The following DAB1 variants were observed in gnomAD, a reference collection of about 807,000 sequenced individuals.
DAB1 encodes disabled homolog 1.
DAB1 carries 15 observed loss-of-function variants against 64.6 expected under a neutral mutation model. That is an observed-to-expected ratio of 0.23 (90% confidence interval 0.16 to 0.36). The LOEUF is 0.36. DAB1 is among the 10% of genes least tolerant of loss of function. The pLI is 1.00. For synonymous variants in DAB1, 235 were observed against 251.9 expected, an observed-to-expected ratio of 0.93 and a Z score of 0.64; for missense variants, 596 against 706.7, an observed-to-expected ratio of 0.84 and a Z score of 1.78.
intron 6 of DAB1, among the ~76,000 whole-genome samples, chr1:57,695,226 TAAGAAAGAAAGGAAGA>T (rs1646809404): frequency 2.8e-5 from 4 of 141,776 alleles, no homozygotes; most frequent in Admixed American, 7.4e-5. Flanking sequence ...CCTGTTTCTC[TAAGAAAGAAAGGAAGA>T]AAGAAAGAAA....
intron 5 of DAB1, among the ~76,000 whole-genome samples, chr1:57,907,385 C>G (rs889610663): frequency 6.6e-6 from 1 of 152,160 alleles, no homozygotes; most frequent in Admixed American, 6.5e-5. Flanking sequence ...AACATTAGGT[C>G]TCCTGACCTG....
At chr1:58,123,612 T>C (rs1652878733) in intron 5 of DAB1, among the ~76,000 whole-genome samples, 1 of 152,138 alleles carries the variant, frequency 6.6e-6, no homozygotes, top group Non-Finnish European at 1.5e-5. Context: ...CTTTGTTCTG[T>C]GAAATCACAC....
chr1:57,209,395 T>A (rs1026904457), intron 2 of DAB1, among the ~76,000 whole-genome samples: 2 of 152,192 alleles, frequency 1.3e-5, no homozygotes, highest in Non-Finnish European at 2.9e-5. Flanking sequence ...TTGGGGGAAG[T>A]CTGTTCTTCA....
intron 2 of DAB1, among the ~76,000 whole-genome samples, chr1:58,512,654 A>G (rs1191888702): frequency 3.9e-5 from 6 of 152,238 alleles, no homozygotes; most frequent in African/African-American, 9.6e-5. Context: ...ACAAATGGAC[A>G]AATACGAGAC....
chr1:58,410,990 GA>G (rs1219834143), intron 3 of DAB1, among the ~76,000 whole-genome samples: 2 of 152,162 alleles, frequency 1.3e-5, no homozygotes, highest in Non-Finnish European at 2.9e-5. Context: ...TGCTTAAAGG[GA>G]AAAATTACAG....
chr1:57,101,700 C>T (rs1654696633), intron 4 of DAB1, among the ~76,000 whole-genome samples: 1 of 152,214 alleles, frequency 6.6e-6, no homozygotes, highest in South Asian at 2.1e-4. Flanking sequence ...GTCTTCTACT[C>T]TACACCAGGC....
At chr1:57,833,293 G>A (rs1231837039) in intron 1 of DAB1, among the ~76,000 whole-genome samples, 3 of 152,078 alleles carry the variant, frequency 2.0e-5, no homozygotes, top group African/African-American at 4.8e-5. Context: ...TATAGATTTG[G>A]AAATAGGTTC....
chr1:58,310,559 T>C (rs1569630422), intron 4 of DAB1, among the ~76,000 whole-genome samples: 1 of 152,198 alleles, frequency 6.6e-6, no homozygotes, highest in South Asian at 2.1e-4. Flanking sequence ...TTACAACAAA[T>C]TGTATGCAAT....
chr1:57,896,681 GT>G (rs1644396832), intron 5 of DAB1, among the ~76,000 whole-genome samples: 1 of 152,110 alleles, frequency 6.6e-6, no homozygotes, highest in South Asian at 2.1e-4. Context: ...TCTTTATGAC[GT>G]GAGCATTAAC....
chr1:57,270,177 C>G (rs1181757755), intron 2 of DAB1, among the ~76,000 whole-genome samples: 1 of 152,206 alleles, frequency 6.6e-6, no homozygotes. Flanking sequence ...TGGTTACTGT[C>G]TGAGCCTTCC....
At chr1:57,418,936 CCAAT>C (rs1467310815) in intron 1 of DAB1, among the ~76,000 whole-genome samples, 1 of 152,214 alleles carries the variant, frequency 6.6e-6, no homozygotes, top group East Asian at 1.9e-4. Flanking sequence ...CATTTGCTCT[CCAAT>C]CAGAGGGAAA....
chr1:58,503,371 T>A (rs1231318839), intron 3 of DAB1, among the ~76,000 whole-genome samples: 1 of 152,214 alleles, frequency 6.6e-6, no homozygotes, highest in African/African-American at 2.4e-5. Flanking sequence ...ATGCCTATAC[T>A]ACCCTTTTAA....
intron 1 of DAB1, among the ~76,000 whole-genome samples, chr1:57,311,646 G>A (rs1265288643): frequency 1.3e-5 from 2 of 152,126 alleles, no homozygotes; most frequent in African/African-American, 4.8e-5. Context: ...TGAAGATTCG[G>A]TTTAACTCAT....
chr1:57,140,730 T>C (rs1045636862), intron 3 of DAB1, among the ~76,000 whole-genome samples: 1 of 152,160 alleles, frequency 6.6e-6, no homozygotes, highest in African/African-American at 2.4e-5. Flanking sequence ...ACAGTTATAC[T>C]TTTGAGACCT....
At chr1:58,293,420 A>G (rs1340246135) in intron 4 of DAB1, among the ~76,000 whole-genome samples, 1 of 152,216 alleles carries the variant, frequency 6.6e-6, no homozygotes, top group East Asian at 1.9e-4. Flanking sequence ...AAAATATCAA[A>G]ATAAAAAATA....
At chr1:57,637,664 T>C (rs548789998) in intron 7 of DAB1, among the ~76,000 whole-genome samples, 2 of 152,234 alleles carry the variant, frequency 1.3e-5, no homozygotes, top group East Asian at 1.9e-4. Flanking sequence ...GATTCTGTAT[T>C]AGGGAGCATG....
At chr1:57,925,414 T>C (rs1644865095) in intron 5 of DAB1, among the ~76,000 whole-genome samples, 1 of 152,204 alleles carries the variant, frequency 6.6e-6, no homozygotes, top group South Asian at 2.1e-4. Flanking sequence ...GCACGCTTCA[T>C]ACAGAATTTA....
At chr1:57,577,024 CT>C (rs1195752933) in intron 7 of DAB1, among the ~76,000 whole-genome samples, 2 of 152,200 alleles carry the variant, frequency 1.3e-5, no homozygotes, top group Non-Finnish European at 2.9e-5. Flanking sequence ...CAGCTAGCAC[CT>C]TCCGTGCAGG....
chr1:57,200,760 T>C (rs941613188), intron 2 of DAB1, among the ~76,000 whole-genome samples: 3 of 152,230 alleles, frequency 2.0e-5, no homozygotes, highest in African/African-American at 4.8e-5. Context: ...TGAGGATCAA[T>C]AAATTGGCAA....
Sources: gnomAD v4.1 joint callset for allele counts (sites outside exome capture counted in the v4.1 genomes callset) on GRCh38, gnomAD v4.1.1 for gene constraint, MANE v1.5 for transcripts, NCBI Gene and HGNC (gene_info 2026-07-23, HGNC 2026-07-21) for gene names.